Variants in IQSEC3 observed in about 807,000 individuals in gnomAD.
The protein encoded by IQSEC3 is IQ motif and Sec7 domain ArfGEF 3, also known as IQ motif and SEC7 domain-containing protein 3.
In IQSEC3, 50 loss-of-function variants were observed where a neutral mutation model predicts 105.4. The ratio of observed to expected loss-of-function variants is 0.47; its 90% CI spans 0.38 to 0.60. The LOEUF is 0.60. IQSEC3 is among the 20% of genes least tolerant of loss of function. IQSEC3 has a pLI of 0.00. For missense variants in IQSEC3, 1,415 were observed against 1,630.0 expected, an observed-to-expected ratio of 0.87 and a Z score of 2.27; for synonymous variants, 708 against 746.0, an observed-to-expected ratio of 0.95 and a Z score of 0.83.
At chr12:80,969 G>T (rs535576790) in intron 1 of IQSEC3, among the ~76,000 whole-genome samples, 1 of 152,212 alleles carries the variant, frequency 6.6e-6, no homozygotes, top group Non-Finnish European at 1.5e-5. Flanking sequence ...AGGGAGAGGC[G>T]CCTGAGGCCA....
chr12:129,244 C>T (rs1371557593), intron 3 of IQSEC3, among the ~76,000 whole-genome samples: 1 of 152,220 alleles, frequency 6.6e-6, no homozygotes, highest in Non-Finnish European at 1.5e-5. Context: ...GCTGCATAGC[C>T]CACGTGAAGA....
chr12:127,866 G>C (rs10431366), intron 3 of IQSEC3, among the ~76,000 whole-genome samples: 1 of 152,030 alleles, frequency 6.6e-6, no homozygotes, highest in East Asian at 1.9e-4. Flanking sequence ...TGCTGTGCAG[G>C]AGCTCTTTAG....
At chr12:83,702 C>G (rs58077970) in intron 1 of IQSEC3, among the ~76,000 whole-genome samples, 72 of 120,950 alleles carry the variant, frequency 6.0e-4, no homozygotes, top group Non-Finnish European at 7.2e-4. Flanking sequence ...GGAAGGCGGG[C>G]GGGGGAGGAG....
intron 3 of IQSEC3, among the ~76,000 whole-genome samples, chr12:126,280 C>T (rs782710289): frequency 6.6e-6 from 1 of 152,230 alleles, no homozygotes; most frequent in Non-Finnish European, 1.5e-5. Context: ...CCAGCTTCCA[C>T]GCCCACCAAG....
chr12:138,630 A>T lies in IQSEC3; in HGVS notation c.1267A>T (p.Lys423Ter). Reference protein sequence around the residue: ...IDDALSTWSLKTMCSLRESGA... With the variant: ...IDDALSTWSL Reference sequence around the variant, plus strand: ...CGACGCGCTCAGCACGTGGAGCCTCAAGACCATGTGCTCCCTGCGGGAGAG... The same window carrying T: ...CGACGCGCTCAGCACGTGGAGCCTCTAGACCATGTGCTCCCTGCGGGAGAG... The change falls in exon 4 of 14, where the codon AAG (lysine) becomes TAG (stop). Residue 423 changes from lysine (K) to a stop codon, truncating the protein, a stop_gained. Transcript: ENST00000538872. LOFTEE classifies it high-confidence loss of function. The surrounding 1 kb of genome is among the most constrained non-coding windows in gnomAD (Gnocchi z 7.1). 1 of 1,585,812 alleles carries T rather than the reference A, an allele frequency of 6.3e-7. No homozygotes were observed. The highest frequency in any genetic ancestry group is 8.5e-7 in the Non-Finnish European group (1 of 1,173,796).
chr12:99,332 T>C (rs1864346100), intron 2 of IQSEC3, 118 bp downstream of exon 2: 1 of 942,458 alleles, frequency 1.1e-6, no homozygotes, highest in African/African-American at 1.6e-5. Context: ...GTGGGGTAAT[T>C]TGTTTGCTTT....
chr12:156,868 G>A (rs539819091), intron 5 of IQSEC3, among the ~76,000 whole-genome samples, 157 bp from the exon 6 acceptor site: 1 of 152,286 alleles, frequency 6.6e-6, no homozygotes, highest in East Asian at 1.9e-4. Flanking sequence ...CAGGTGGGAG[G>A]AGATGGTCCT....
intron 1 of IQSEC3, among the ~76,000 whole-genome samples, chr12:77,103 C>T (rs1283168608): frequency 6.6e-6 from 1 of 152,284 alleles, no homozygotes; most frequent in Admixed American, 6.5e-5. Context: ...GGTCTAGCCT[C>T]CGTGTTTCCC....
At chr12:168,731 C>A (rs1555099255) in intron 11 of IQSEC3, among the ~76,000 whole-genome samples, 1 of 152,106 alleles carries the variant, frequency 6.6e-6, no homozygotes, top group Admixed American at 6.5e-5. Flanking sequence ...GACCAGGACC[C>A]AAACCCAGGC....
intron 1 of IQSEC3, among the ~76,000 whole-genome samples, chr12:76,284 T>C (rs1863524042): frequency 6.6e-6 from 1 of 152,208 alleles, no homozygotes; most frequent in African/African-American, 2.4e-5. Flanking sequence ...TCCAGGCCCC[T>C]TACCAGGCAG....
chr12:80,759 A>G (rs1438869415), intron 1 of IQSEC3, among the ~76,000 whole-genome samples: 1 of 152,240 alleles, frequency 6.6e-6, no homozygotes, highest in African/African-American at 2.4e-5. Context: ...AAAGCAGAGA[A>G]GAGACCCGGA....
intron 1 of IQSEC3, among the ~76,000 whole-genome samples, chr12:72,169 A>G (rs1231951096): frequency 6.6e-6 from 1 of 152,330 alleles, no homozygotes; most frequent in Non-Finnish European, 1.5e-5. Flanking sequence ...TCACAAAGGC[A>G]TCCTGGCACA....
chr12:71,845 G>A lies in IQSEC3; in HGVS notation c.554+4409G>A, dbSNP rs11062722. Among the ~76,000 whole-genome samples, 1,089 of 152,158 alleles carry A rather than the reference G, an allele frequency of 7.2e-3. 2 individuals carry two copies. Among genetic ancestry groups the A allele is most frequent in the Non-Finnish European group, 0.011 (732 of 67,900 alleles). ...TTGTTCTTCCCCTATCCCCAGCAGG[G>A]AGAGAGTTTCTAGTCTAAGAAATGG... On this transcript the variant is annotated intron_variant, in intron 1 of 13. Coordinates refer to ENST00000538872, the MANE Select transcript of IQSEC3 (RefSeq NM_001170738.2).
At chr12:78,644 G>C (rs552032293) in intron 1 of IQSEC3, among the ~76,000 whole-genome samples, 1 of 152,188 alleles carries the variant, frequency 6.6e-6, no homozygotes, top group African/African-American at 2.4e-5. Flanking sequence ...ATAGTTCTGA[G>C]CAGGGCCCTG....
chr12:130,903 C>T (rs1344574976), intron 3 of IQSEC3, among the ~76,000 whole-genome samples: 1 of 151,918 alleles, frequency 6.6e-6, no homozygotes, highest in Non-Finnish European at 1.5e-5. Context: ...TCTGGAGGCT[C>T]ACAACATGCT....
chr12:145,917 C>T (rs1459984146), intron 5 of IQSEC3, among the ~76,000 whole-genome samples: 2 of 152,188 alleles, frequency 1.3e-5, no homozygotes, highest in African/African-American at 4.8e-5. Flanking sequence ...TGGTGTCTAC[C>T]ATCTCCATGA....
intron 11 of IQSEC3, among the ~76,000 whole-genome samples, chr12:168,550 C>T (rs1218172461): frequency 6.6e-6 from 1 of 152,156 alleles, no homozygotes; most frequent in Non-Finnish European, 1.5e-5. Flanking sequence ...ATTACTTTCG[C>T]ACAAACCTTA....
intron 11 of IQSEC3, 57 bp downstream of exon 11, chr12:165,947 G>A (rs969333128): frequency 7.6e-6 from 12 of 1,584,232 alleles, no homozygotes; most frequent in Non-Finnish European, 7.7e-6. Flanking sequence ...CAAGGGACAG[G>A]GGCAGCTTGA....
chr12:116,376 C>A (rs1865049267), intron 2 of IQSEC3, among the ~76,000 whole-genome samples: 1 of 152,166 alleles, frequency 6.6e-6, no homozygotes, highest in East Asian at 1.9e-4. Context: ...AGGCACTCGC[C>A]CCGGAGACCT....
Sources: gnomAD v4.1 joint callset for allele counts (sites outside exome capture counted in the v4.1 genomes callset) on GRCh38, gnomAD v4.1.1 for gene constraint, Gnocchi (gnomAD v3.1) non-coding constraint, MANE v1.5 for transcripts, NCBI Gene and HGNC (gene_info 2026-07-23, HGNC 2026-07-21) for gene names.